Variants in MLLT3 observed in about 807,000 individuals in gnomAD.
MLLT3 encodes the protein MLLT3 super elongation complex subunit.
MLLT3 carries 4 observed loss-of-function variants against 53.2 expected under a neutral mutation model. That is an observed-to-expected ratio of 0.08 (90% confidence interval 0.04 to 0.17). The LOEUF (loss-of-function observed/expected upper bound fraction) is 0.17. Among genes scored for constraint, MLLT3 ranks in the 10% least tolerant of loss-of-function variants. The pLI is 1.00. For synonymous variants in MLLT3, 283 were observed against 230.6 expected, an observed-to-expected ratio of 1.23 and a Z score of -2.06; for missense variants, 569 against 684.0, an observed-to-expected ratio of 0.83 and a Z score of 1.87.
At chr9:20,556,585 A>G (rs901440608) in intron 2 of MLLT3, among the ~76,000 whole-genome samples, 30 of 152,164 alleles carry the variant, frequency 2.0e-4, no homozygotes, top group African/African-American at 6.5e-4. Context: ...CAGGAGGCTG[A>G]GCCAGAAAAA....
intron 5 of MLLT3, among the ~76,000 whole-genome samples, chr9:20,387,854 GT>G (rs1369324748): frequency 6.6e-6 from 1 of 152,164 alleles, no homozygotes; most frequent in Non-Finnish European, 1.5e-5. Context: ...GCAACTCATT[GT>G]TTCAAAAATT....
chr9:20,442,030 C>T (rs1335299202), intron 4 of MLLT3, among the ~76,000 whole-genome samples: 1 of 152,050 alleles, frequency 6.6e-6, no homozygotes, highest in African/African-American at 2.4e-5. Flanking sequence ...GAAGAGTACC[C>T]ATAAATTTAA....
chr9:20,594,614 G>C (rs964871757), intron 2 of MLLT3, among the ~76,000 whole-genome samples: 1 of 152,136 alleles, frequency 6.6e-6, no homozygotes, highest in Non-Finnish European at 1.5e-5. Context: ...TAAGACAAAA[G>C]GTTGGCACAA....
At chr9:20,475,969 A>G (rs1824511821) in intron 2 of MLLT3, among the ~76,000 whole-genome samples, 1 of 152,146 alleles carries the variant, frequency 6.6e-6, no homozygotes, top group South Asian at 2.1e-4. Context: ...CAAATATGAT[A>G]ATGCTACCTA....
chr9:20,567,626 C>T (rs1819414110), intron 2 of MLLT3, among the ~76,000 whole-genome samples: 1 of 152,156 alleles, frequency 6.6e-6, no homozygotes, highest in Non-Finnish European at 1.5e-5. Context: ...AAGAAACTTT[C>T]CACAACTTGG....
chr9:20,559,391 T>C (rs1819143140), intron 2 of MLLT3, among the ~76,000 whole-genome samples: 1 of 152,152 alleles, frequency 6.6e-6, no homozygotes, highest in South Asian at 2.1e-4. Context: ...AAGTTGCCAT[T>C]CCAGTTTCCA....
chr9:20,400,635 T>A (rs1008502654), intron 5 of MLLT3, among the ~76,000 whole-genome samples: 1 of 152,170 alleles, frequency 6.6e-6, no homozygotes, highest in East Asian at 1.9e-4. Flanking sequence ...AAACTGACCA[T>A]CCATTAATAA....
intron 4 of MLLT3, chr9:20,415,550 C>A: frequency 7.9e-6 from 3 of 382,150 alleles, no homozygotes; most frequent in Non-Finnish European, 1.1e-5. Context: ...ACTTCCACTT[C>A]CTAATGGAAC....
intron 2 of MLLT3, among the ~76,000 whole-genome samples, chr9:20,610,645 T>C (rs1820677836): frequency 6.6e-6 from 1 of 152,138 alleles, no homozygotes; most frequent in Non-Finnish European, 1.5e-5. Flanking sequence ...ATAAGTAGTA[T>C]CTACAGTGAT....
chr9:20,606,988 C>A (rs1820586306), intron 2 of MLLT3, among the ~76,000 whole-genome samples: 1 of 152,054 alleles, frequency 6.6e-6, no homozygotes, highest in African/African-American at 2.4e-5. Flanking sequence ...GTAGAGAACA[C>A]CTTGTCCTCT....
intron 2 of MLLT3, among the ~76,000 whole-genome samples, chr9:20,609,969 T>C (rs544146674): frequency 9.2e-5 from 14 of 152,250 alleles, no homozygotes; most frequent in Admixed American, 3.3e-4. Flanking sequence ...ATAACCAATA[T>C]AGCTATTTAA....
chr9:20,416,548 T>G (rs1822877347), intron 4 of MLLT3, among the ~76,000 whole-genome samples: 1 of 152,120 alleles, frequency 6.6e-6, no homozygotes. Context: ...CAGCTTCTTG[T>G]GTCATAAAAA....
At chr9:20,584,706 A>T (rs1245469911) in intron 2 of MLLT3, among the ~76,000 whole-genome samples, 2 of 152,180 alleles carry the variant, frequency 1.3e-5, no homozygotes, top group Non-Finnish European at 2.9e-5. Context: ...AGGCCCCAAG[A>T]TTCAATTATC....
intron 2 of MLLT3, among the ~76,000 whole-genome samples, chr9:20,476,766 C>A (rs185865351): frequency 6.6e-6 from 1 of 152,094 alleles, no homozygotes; most frequent in African/African-American, 2.4e-5. Flanking sequence ...GAGTATTCAT[C>A]CTAAAGACTG....
intron 2 of MLLT3, among the ~76,000 whole-genome samples, chr9:20,577,118 A>T (rs1408029925): frequency 2.0e-5 from 3 of 152,122 alleles, no homozygotes; most frequent in African/African-American, 7.2e-5. Context: ...AACTCTTTCT[A>T]CCTGTCTCTT....
intron 2 of MLLT3, among the ~76,000 whole-genome samples, chr9:20,512,089 G>C (rs937414009): frequency 2.6e-5 from 4 of 152,104 alleles, no homozygotes; most frequent in African/African-American, 4.8e-5. Flanking sequence ...ACTTAACCTA[G>C]CACTACAAGA....
chr9:20,424,394 G>A (rs1390899621), intron 4 of MLLT3, among the ~76,000 whole-genome samples: 3 of 152,112 alleles, frequency 2.0e-5, no homozygotes, highest in Admixed American at 6.6e-5. Context: ...TTATTTCAAA[G>A]GGTTTCAGAA....
chr9:20,427,644 T>C (rs1327013835), intron 4 of MLLT3, among the ~76,000 whole-genome samples: 1 of 151,712 alleles, frequency 6.6e-6, no homozygotes, highest in Admixed American at 6.6e-5. Context: ...CCTAGACACA[T>C]TGTACTAAAA....
At chr9:20,421,688 T>A (rs2118794257) in intron 4 of MLLT3, among the ~76,000 whole-genome samples, 1 of 152,310 alleles carries the variant, frequency 6.6e-6, no homozygotes, top group East Asian at 1.9e-4. Context: ...CTACATTAAC[T>A]GAAAGAAGTG....
Sources: allele counts gnomAD v4.1 joint callset (sites outside exome capture counted in the v4.1 genomes callset), GRCh38; gene constraint gnomAD v4.1.1; transcripts MANE v1.5; gene names NCBI Gene and HGNC (gene_info 2026-07-23, HGNC 2026-07-21).